Variants in BAIAP2L1 observed in about 807,000 individuals in gnomAD.
BAIAP2L1 encodes the protein BAR/IMD domain containing adaptor protein 2 like 1.
BAIAP2L1 carries 35 observed loss-of-function variants against 66.3 expected under a neutral mutation model. The ratio of observed to expected loss-of-function variants is 0.53; its 90% CI spans 0.40 to 0.70. BAIAP2L1 has a LOEUF of 0.70. Ranked by LOEUF, BAIAP2L1 falls within the 30% of genes least tolerant of loss-of-function variation. The pLI is 0.00. For missense variants in BAIAP2L1, 622 were observed against 656.9 expected, an observed-to-expected ratio of 0.95 and a Z score of 0.58; for synonymous variants, 269 against 248.7, an observed-to-expected ratio of 1.08 and a Z score of -0.77.
At position 98,293,476 on chromosome 7, in the gene BAIAP2L1, G is replaced by T; in HGVS notation, c.*45C>A. 1.3e-6 allele frequency: 2 copies of T among 1,568,354 alleles called. No individual in the cohort carries two copies. The highest frequency in any genetic ancestry group is 2.2e-5 in the East Asian group (1 of 44,630). On this transcript the variant is annotated 3_prime_UTR_variant, in exon 14 of 14. Coordinates refer to ENST00000005260, the MANE Select transcript of BAIAP2L1 (RefSeq NM_018842.5). The stretch of plus-strand genomic sequence containing the variant: ...GCAGACAGGATGCGCCCATCATTCC[G>T]CAAGGGAGAACCGGAGAGGCCCGGG...
At chr7:98,311,197 C>A (rs1458164078) in intron 8 of BAIAP2L1, among the ~76,000 whole-genome samples, 3 of 152,104 alleles carry the variant, frequency 2.0e-5, no homozygotes, top group Admixed American at 1.3e-4. Flanking sequence ...TATTCTGAGA[C>A]ACCTATACTT....
At position 98,292,614 on chromosome 7, in the gene BAIAP2L1, G is replaced by A; in HGVS notation, c.*907C>T. The A allele has an allele frequency of 3.2e-6, 5 of 1,551,246 alleles. No homozygotes were observed. The highest frequency in any genetic ancestry group is 4.4e-6 in the Non-Finnish European group (5 of 1,146,626). ...GGTTCCGAGGGCATCATGGCTGCTAGGCTGAAAAACCCGCCCTTCTCCAGG... is the reference window on the plus strand; with the variant it reads ...GGTTCCGAGGGCATCATGGCTGCTAAGCTGAAAAACCCGCCCTTCTCCAGG... On this transcript the variant is annotated 3_prime_UTR_variant, in exon 14 of 14. Coordinates refer to ENST00000005260, the MANE Select transcript of BAIAP2L1 (RefSeq NM_018842.5).
At chr7:98,312,506 A>G (rs1800910172) in intron 7 of BAIAP2L1, among the ~76,000 whole-genome samples, 1 of 152,152 alleles carries the variant, frequency 6.6e-6, no homozygotes, top group African/African-American at 2.4e-5. Context: ...AATACAGAGC[A>G]TGGGACTAAT....
intron 3 of BAIAP2L1, among the ~76,000 whole-genome samples, chr7:98,353,687 C>T (rs950812823): frequency 4.2e-5 from 6 of 142,480 alleles, no homozygotes; most frequent in East Asian, 2.0e-4. Context: ...TGGCTGGGCG[C>T]GGTGGCTCAC....
intron 3 of BAIAP2L1, among the ~76,000 whole-genome samples, chr7:98,350,666 A>G (rs113426006): frequency 5.9e-5 from 9 of 152,152 alleles, no homozygotes; most frequent in Admixed American, 1.3e-4. Context: ...CTCAAGAACA[A>G]AAACAAAAAT....
At chr7:98,299,077 G>A (rs568624305) in intron 12 of BAIAP2L1, among the ~76,000 whole-genome samples, 3 of 152,016 alleles carry the variant, frequency 2.0e-5, no homozygotes, top group African/African-American at 4.8e-5. Context: ...GTGCAGTGGC[G>A]TGATCTTGGC....
At chr7:98,400,634 G>T (rs192292427) in intron 1 of BAIAP2L1, among the ~76,000 whole-genome samples, 168 bp downstream of exon 1, 1,692 of 143,528 alleles carry the variant, frequency 0.012, 79 homozygotes, top group Admixed American at 0.072. Flanking sequence ...AGGGGAGGAA[G>T]AAGAGGGGCT....
chr7:98,389,306 T>C (rs915727989), intron 1 of BAIAP2L1, among the ~76,000 whole-genome samples: 20 of 151,928 alleles, frequency 1.3e-4, no homozygotes, highest in African/African-American at 4.6e-4. Flanking sequence ...TTTCTGCACA[T>C]TTGTTCGAGG....
In BAIAP2L1 at chr7:98,315,600, C is replaced by T. The variant is rs771874091; in HGVS notation, c.499G>A (p.Val167Ile). The change falls in exon 7 of 14, where the codon GTT (valine) becomes ATT (isoleucine). Residue 167 changes from valine to isoleucine, a missense_variant. Coordinates refer to ENST00000005260, the MANE Select transcript of BAIAP2L1 (RefSeq NM_018842.5). Reference sequence around the variant, plus strand: ...TGGATTTCACTCTGACGAGAAGTAACGGTCTCCACATACTAAAAAAAAAAA... The same window carrying T: ...TGGATTTCACTCTGACGAGAAGTAATGGTCTCCACATACTAAAAAAAAAAA... Reference protein sequence around the residue: ...EHKEIEYVETVTSRQSEIQKF... With the variant: ...EHKEIEYVETITSRQSEIQKF... 3.6e-5 allele frequency: 50 copies of T among 1,396,566 alleles called. No individual in the cohort carries two copies. The Admixed American group carries it at 1.1e-3, about 30-fold the overall frequency. 86.5% of individuals were successfully genotyped at this position (1,396,566 alleles called of 1,614,324 possible).
chr7:98,335,068 G>C (rs1300948788), intron 3 of BAIAP2L1, among the ~76,000 whole-genome samples: 2 of 148,122 alleles, frequency 1.4e-5, no homozygotes, highest in African/African-American at 2.5e-5. Flanking sequence ...CAGGAGAATG[G>C]TGTGAACCCG....
At chr7:98,338,670 G>T (rs934040888) in intron 3 of BAIAP2L1, among the ~76,000 whole-genome samples, 1 of 152,012 alleles carries the variant, frequency 6.6e-6, no homozygotes, top group Non-Finnish European at 1.5e-5. Flanking sequence ...ATTCTTTTTC[G>T]TGGGTAAATA....
chr7:98,378,023 G>T (rs1160918601), intron 1 of BAIAP2L1, among the ~76,000 whole-genome samples: 1 of 151,710 alleles, frequency 6.6e-6, no homozygotes, highest in Non-Finnish European at 1.5e-5. Flanking sequence ...TGTAGTTCCA[G>T]CTACAGGCTG....
chr7:98,380,024 T>C (rs781416599), intron 1 of BAIAP2L1, among the ~76,000 whole-genome samples: 1 of 152,146 alleles, frequency 6.6e-6, no homozygotes, highest in African/African-American at 2.4e-5. Context: ...AACCATTAAA[T>C]TGTACGCTTA....
At chr7:98,394,107 G>C (rs529004939) in intron 1 of BAIAP2L1, among the ~76,000 whole-genome samples, 63 of 152,158 alleles carry the variant, frequency 4.1e-4, no homozygotes, top group African/African-American at 1.3e-3. Context: ...GCCGGGCGTG[G>C]TGGCAGGCGC....
chr7:98,400,988 G>C lies in BAIAP2L1; in HGVS notation c.-136C>G. 1 of 684,848 alleles carries C rather than the reference G, an allele frequency of 1.5e-6. No homozygotes were observed. Among genetic ancestry groups the C allele is most frequent in the South Asian group, 4.2e-5 (1 of 23,662 alleles). The allele number at this position is 684,848 out of a possible 1,614,324, so 42.4% of individuals were successfully genotyped here. A position where few individuals can be genotyped will look rare whatever the true frequency, so the allele number is the denominator to read the frequency against. On this transcript the variant is annotated 5_prime_UTR_variant, in exon 1 of 14. Transcript: ENST00000005260. Reference sequence around the variant, plus strand: ...GCCGCCGCCGCAGCCGTCGGCCCGAGAGTGCCCGCGCGCGTCTCCGCTGCG... The same window carrying C: ...GCCGCCGCCGCAGCCGTCGGCCCGACAGTGCCCGCGCGCGTCTCCGCTGCG...
At chr7:98,318,158 G>A (rs1290724393) in intron 5 of BAIAP2L1, among the ~76,000 whole-genome samples, 2 of 152,154 alleles carry the variant, frequency 1.3e-5, no homozygotes, top group Non-Finnish European at 2.9e-5. Flanking sequence ...TTAATGTCTT[G>A]GCTTTGTTCT....
intron 3 of BAIAP2L1, among the ~76,000 whole-genome samples, chr7:98,336,701 T>C (rs1427068085): frequency 6.6e-6 from 1 of 152,256 alleles, no homozygotes. Context: ...TTTCATGATT[T>C]GCTCCCTGCA....
In BAIAP2L1 at chr7:98,292,426, G is replaced by T; in HGVS notation, c.*1095C>A. ...TGACCTCAGGTGATCCCCCTGCCTC[G>T]GCCTCACAAAATGCTGGGATTCCCG... On this transcript the variant is annotated 3_prime_UTR_variant, in exon 14 of 14. Coordinates refer to ENST00000005260, the MANE Select transcript of BAIAP2L1 (RefSeq NM_018842.5). The T allele has an allele frequency of 1.8e-6, 1 of 566,990 alleles. No homozygotes were observed. 35.1% of individuals were successfully genotyped at this position (566,990 alleles called of 1,614,324 possible). A position where few individuals can be genotyped will look rare whatever the true frequency, so the allele number is the denominator to read the frequency against.
At chr7:98,315,253 C>G (rs1801030367) in intron 7 of BAIAP2L1, among the ~76,000 whole-genome samples, 1 of 152,126 alleles carries the variant, frequency 6.6e-6, no homozygotes, top group African/African-American at 2.4e-5. Context: ...TCCTGAGTAG[C>G]TGGGACTACA....
Sources: allele counts gnomAD v4.1 joint callset (sites outside exome capture counted in the v4.1 genomes callset), GRCh38; gene constraint gnomAD v4.1.1; transcripts MANE v1.5; gene names NCBI Gene and HGNC (gene_info 2026-07-23, HGNC 2026-07-21).